The following GABPB2 variants were observed in gnomAD, a reference collection of about 807,000 sequenced individuals.
GABPB2 encodes GA binding protein transcription factor subunit beta 2, also known as GA-binding protein subunit beta-2.
Under a neutral mutation model 39.1 loss-of-function variants are expected in GABPB2, and 23 were observed. That is an observed-to-expected ratio of 0.59 (90% CI 0.42 to 0.83). The LOEUF (loss-of-function observed/expected upper bound fraction) is 0.83, where lower values mean the gene tolerates loss of function less well. Ranked by LOEUF, GABPB2 falls within the 40% of genes least tolerant of loss-of-function variation. The probability of loss-of-function intolerance (pLI) is 0.00; values close to 1 mark genes in which losing one functional copy is unlikely to be tolerated. For missense variants in GABPB2, 467 were observed against 541.1 expected (o/e 0.86, Z 1.36); for synonymous variants, 184 against 199.3 (o/e 0.92, Z 0.65).
chr1:151,100,176 G>A (rs587672897), intron 5 of GABPB2, among the ~76,000 whole-genome samples: 2 of 141,202 alleles, frequency 1.4e-5, no homozygotes, highest in East Asian at 2.0e-4. Context: ...ACGGAGTCTC[G>A]CTCTGTCGCC....
intron 1 of GABPB2, among the ~76,000 whole-genome samples, chr1:151,086,559 A>T (rs1477019901): frequency 6.6e-6 from 1 of 152,160 alleles, no homozygotes; most frequent in Non-Finnish European, 1.5e-5. Flanking sequence ...AATAGTTTTG[A>T]CCTCATAGTT....
chr1:151,100,439 A>G (rs1679425007), intron 5 of GABPB2, among the ~76,000 whole-genome samples: 1 of 151,394 alleles, frequency 6.6e-6, no homozygotes, highest in African/African-American at 2.4e-5. Flanking sequence ...CACCACACCC[A>G]GCTAATTTTT....
chr1:151,117,849 G>T, intron 8 of GABPB2, 108 bp from the exon 9 acceptor site: 1 of 1,081,960 alleles, frequency 9.2e-7, no homozygotes, highest in Non-Finnish European at 1.4e-6. Context: ...CTCCCAAAGT[G>T]CTTGGATTAT....
intron 6 of GABPB2, 30 bp from the exon 7 acceptor site, chr1:151,107,007 A>T (rs1461709868): frequency 1.3e-6 from 2 of 1,525,230 alleles, no homozygotes; most frequent in Non-Finnish European, 1.8e-6. Context: ...TAAAAAGCTG[A>T]AATTTTAAAT....
chr1:151,111,050 C>T (rs902943918), intron 7 of GABPB2, among the ~76,000 whole-genome samples: 8 of 152,026 alleles, frequency 5.3e-5, no homozygotes, highest in South Asian at 2.1e-4. Context: ...GAGGCTGAGG[C>T]GGGAGGAGCG....
At chr1:151,073,598 T>C (rs1676904727) in intron 1 of GABPB2, among the ~76,000 whole-genome samples, 1 of 152,076 alleles carries the variant, frequency 6.6e-6, no homozygotes, top group Admixed American at 6.6e-5. Context: ...TTTTGTTTTG[T>C]TTTATTTTAA....
chr1:151,104,587 C>G (rs942541909), intron 6 of GABPB2, among the ~76,000 whole-genome samples: 7 of 152,142 alleles, frequency 4.6e-5, no homozygotes, highest in African/African-American at 1.7e-4. Context: ...CTAGTTTTCT[C>G]ATCTTTGGCA....
chr1:151,072,814 TC>T (rs1676842428), intron 1 of GABPB2, among the ~76,000 whole-genome samples: 1 of 152,176 alleles, frequency 6.6e-6, no homozygotes, highest in South Asian at 2.1e-4. Context: ...GCCATTGTAC[TC>T]CAGCTTGGGC....
At chr1:151,071,453 C>CTTTTTTTT (rs71090124) in intron 1 of GABPB2, among the ~76,000 whole-genome samples, 1,163 of 100,392 alleles carry the variant, frequency 0.012, 106 homozygotes, top group Middle Eastern at 0.033. Flanking sequence ...CTTTTTTGCT[C>CTTTTTTTT]TTTTTTTTTT....
At position 151,121,326 on chromosome 1, in the gene GABPB2, T is replaced by C. The variant is rs1025286102; in HGVS notation, c.*3070T>C. 1 of 152,216 alleles carries C rather than the reference T, an allele frequency of 6.6e-6. No homozygotes were observed. Among genetic ancestry groups the C allele is most frequent in the Non-Finnish European group, 1.5e-5 (1 of 68,054 alleles). 9.4% of individuals were successfully genotyped at this position (152,216 alleles called of 1,614,324 possible). A position where few individuals can be genotyped will look rare whatever the true frequency, so the allele number is the denominator to read the frequency against. ...AAGGGAATAAGAACTGTCAGTGCCA[T>C]AAAGAACCAAAGATTCTGGCTACTT... On this transcript the variant is annotated 3_prime_UTR_variant, in exon 9 of 9. Transcript: ENST00000368918.
chr1:151,091,190 T>C (rs1420062007), intron 3 of GABPB2, among the ~76,000 whole-genome samples: 1 of 148,148 alleles, frequency 6.8e-6, no homozygotes, highest in African/African-American at 2.5e-5. Flanking sequence ...TGGGTTGAAG[T>C]GATTCTCCTG....
chr1:151,080,046 C>G (rs145455453), intron 1 of GABPB2, among the ~76,000 whole-genome samples: 7,276 of 151,630 alleles, frequency 0.048, 292 homozygotes, highest in African/African-American at 0.1. Context: ...GAAACCCCAT[C>G]TCTACTAAAA....
rs1681155994 is a variant in GABPB2, at chr1:151,120,805, G to A, written c.*2549G>A. Reference sequence around the variant, plus strand: ...GAGTCTTGCTCTTGTTGCCCAGGCTGGAGTGCAATGGTGTGATCTCAACTC... The same window carrying A: ...GAGTCTTGCTCTTGTTGCCCAGGCTAGAGTGCAATGGTGTGATCTCAACTC... On this transcript the variant is annotated 3_prime_UTR_variant, in exon 9 of 9. Transcript: ENST00000368918. The A allele has an allele frequency of 7.1e-6, 1 of 140,272 alleles. No homozygotes were observed. The highest frequency in any genetic ancestry group is 1.5e-5 in the Non-Finnish European group (1 of 66,358). 8.7% of individuals were successfully genotyped at this position (140,272 alleles called of 1,614,324 possible). A position where few individuals can be genotyped will look rare whatever the true frequency, so the allele number is the denominator to read the frequency against.
At chr1:151,093,990 T>C (rs1678908450) in intron 4 of GABPB2, among the ~76,000 whole-genome samples, 1 of 151,656 alleles carries the variant, frequency 6.6e-6, no homozygotes, top group Non-Finnish European at 1.5e-5. Flanking sequence ...TAAAGCATAT[T>C]GAGTGATAAG....
chr1:151,119,911 ACT>A lies in GABPB2; in HGVS notation c.*1658_*1659del, dbSNP rs1177674975. ...ACTCCAGCCTGGGCAACAGAGCCAG[ACT>A]CTGTCTCAAAAAAAAAAAAAAAGGA... On this transcript the variant is annotated 3_prime_UTR_variant, in exon 9 of 9. Transcript: ENST00000368918. 4 of 149,794 alleles carry A rather than the reference ACT, an allele frequency of 2.7e-5. No homozygotes were observed. The highest frequency in any genetic ancestry group is 5.9e-5 in the Non-Finnish European group (4 of 67,600). 9.3% of individuals were successfully genotyped at this position (149,794 alleles called of 1,614,324 possible).
intron 1 of GABPB2, 130 bp from the exon 2 acceptor site, chr1:151,088,060 C>T: frequency 1.6e-6 from 1 of 631,596 alleles, no homozygotes; most frequent in Non-Finnish European, 2.8e-6. Context: ...AGGAAGTGAC[C>T]TACCAGACAG....
At chr1:151,088,580 T>C in intron 2 of GABPB2, 1 of 564,648 alleles carries the variant, frequency 1.8e-6, no homozygotes, top group East Asian at 5.4e-5. Context: ...TTTAACTGTC[T>C]CTGGAGTGTA....
At position 151,118,552 on chromosome 1, in the gene GABPB2, T is replaced by A. The variant is rs915445098; in HGVS notation, c.*296T>A. The stretch of plus-strand genomic sequence containing the variant: ...ATGTTGTGGGTTGATTTTTTTTTTT[T>A]AAATAACTGACTTTCTCACAAAAGA... On this transcript the variant is annotated 3_prime_UTR_variant, in exon 9 of 9. Transcript: ENST00000368918. The A allele has an allele frequency of 3.8e-5, 10 of 261,774 alleles. No homozygotes were observed. The highest frequency in any genetic ancestry group is 7.1e-5 in the East Asian group (1 of 13,998). 16.2% of individuals were successfully genotyped at this position (261,774 alleles called of 1,614,324 possible).
At chr1:151,115,532 C>G (rs1331119886) in intron 7 of GABPB2, among the ~76,000 whole-genome samples, 1 of 151,028 alleles carries the variant, frequency 6.6e-6, no homozygotes, top group Non-Finnish European at 1.5e-5. Context: ...TCCCGAGTAG[C>G]TGGGATTACA....
Sources: allele counts gnomAD v4.1 joint callset (sites outside exome capture counted in the v4.1 genomes callset), GRCh38; gene constraint gnomAD v4.1.1; transcripts MANE v1.5; gene names NCBI Gene and HGNC (gene_info 2026-07-23, HGNC 2026-07-21).